Variants in LRRFIP1 observed in about 807,000 individuals in gnomAD.
The protein encoded by LRRFIP1 is LRR binding FLII interacting protein 1, also known as leucine-rich repeat flightless-interacting protein 1.
A neutral mutation model predicts 104.4 loss-of-function variants in LRRFIP1; 62 were observed. The observed-to-expected ratio is 0.59, with a 90% CI of 0.48 to 0.73. LRRFIP1 has a LOEUF of 0.73. Among genes scored for constraint, LRRFIP1 ranks in the 30% least tolerant of loss-of-function variants. The pLI is 0.00. For missense variants in LRRFIP1, 796 were observed against 824.5 expected (o/e 0.97, Z 0.42); for synonymous variants, 300 against 299.0 (o/e 1.00, Z -0.03).
rs752146212 is a variant in LRRFIP1 at position 237,661,674 on chromosome 2, C to T, written c.96+33934C>T. On this transcript the variant is annotated intron_variant, in intron 1 of 23. Coordinates refer to ENST00000308482, the MANE Select transcript of LRRFIP1 (RefSeq NM_001137550.2). This position sits in a 1 kb window ranked among gnomAD's most constrained non-coding sequence, Gnocchi z 4.4. ...CAGAGCCATGCACGTTCCGAAAGCA[C>T]ATTCCAGGGGGACAGTTGTGTCCCT... is the stretch of plus-strand genomic sequence containing the variant. Among the ~76,000 whole-genome samples, 1 of 152,232 alleles carries T rather than the reference C, an allele frequency of 6.6e-6. No individual in the cohort carries two copies. The highest frequency in any genetic ancestry group is 1.5e-5 in the Non-Finnish European group (1 of 68,036).
Position 237,717,920 on chromosome 2 carries a change from A to G in LRRFIP1, c.249+111A>G, listed in dbSNP as rs143961656. Reference sequence around the variant, plus strand: ...TTACGCAGTTTAACTATGTAGATAGATTCCTATTGCACCATAATTTAATAC... The same window carrying G: ...TTACGCAGTTTAACTATGTAGATAGGTTCCTATTGCACCATAATTTAATAC... On this transcript the variant is annotated intron_variant, in intron 4 of 23. Coordinates refer to ENST00000308482, the MANE Select transcript of LRRFIP1 (RefSeq NM_001137550.2). The surrounding 1 kb of genome is among the most constrained non-coding windows in gnomAD (Gnocchi z 4.2). 4 of 867,816 alleles carry G rather than the reference A, an allele frequency of 4.6e-6. No homozygotes were observed. The African/African-American group carries it at 6.6e-5, about 14-fold the overall frequency. The allele number at this position is 867,816 out of a possible 1,614,324, so 53.8% of individuals were successfully genotyped here. A position where few individuals can be genotyped will look rare whatever the true frequency, so the allele number is the denominator to read the frequency against.
intron 1 of LRRFIP1, among the ~76,000 whole-genome samples, chr2:237,671,923 T>C (rs2090413660): frequency 6.6e-6 from 1 of 150,510 alleles, no homozygotes; most frequent in African/African-American, 2.5e-5. Context: ...CTGCTGTAAC[T>C]AACCCGTCTG....
chr2:237,646,838 T>G (rs2084996010), intron 1 of LRRFIP1, among the ~76,000 whole-genome samples: 1 of 151,990 alleles, frequency 6.6e-6, no homozygotes, highest in Admixed American at 6.5e-5. Flanking sequence ...ATTTCTGTTG[T>G]TTAAGCCACC....
At chr2:237,693,115 G>A (rs1352639374) in intron 1 of LRRFIP1, among the ~76,000 whole-genome samples, 2 of 152,278 alleles carry the variant, frequency 1.3e-5, no homozygotes, top group Non-Finnish European at 2.9e-5. Context: ...TACGGCTGTA[G>A]TTTGGCATTA....
intron 10 of LRRFIP1, among the ~76,000 whole-genome samples, chr2:237,738,980 T>C (rs1452207552): frequency 1.3e-5 from 2 of 152,252 alleles, no homozygotes; most frequent in Non-Finnish European, 2.9e-5. Context: ...GGGTGCTTTG[T>C]GTTATTTTCT....
chr2:237,733,848 C>T, intron 9 of LRRFIP1, 30 bp downstream of exon 9: 2 of 1,612,342 alleles, frequency 1.2e-6, no homozygotes, highest in Non-Finnish European at 1.7e-6. Context: ...TGCTGCCCCG[C>T]ACCCCCTCCC....
At chr2:237,636,723 G>A (rs2083178299) in intron 1 of LRRFIP1, among the ~76,000 whole-genome samples, 1 of 152,120 alleles carries the variant, frequency 6.6e-6, no homozygotes, top group South Asian at 2.1e-4. Flanking sequence ...ACTACAATTT[G>A]AGCAAAGGCC....
At chr2:237,777,331 G>A (rs1318722402) in intron 23 of LRRFIP1, among the ~76,000 whole-genome samples, 1 of 152,098 alleles carries the variant, frequency 6.6e-6, no homozygotes, top group African/African-American at 2.4e-5. Context: ...TAGTGTCTCA[G>A]ACTGTACTAG....
At chr2:237,638,096 G>A (rs919897916) in intron 1 of LRRFIP1, among the ~76,000 whole-genome samples, 1 of 152,096 alleles carries the variant, frequency 6.6e-6, no homozygotes, top group African/African-American at 2.4e-5. Context: ...TACATTTATT[G>A]TGCACTTTGT....
chr2:237,727,911 G>T lies in LRRFIP1; in HGVS notation c.420G>T (p.Gln140His). 1 of 1,611,976 alleles carries T rather than the reference G, an allele frequency of 6.2e-7. No homozygotes were observed. The highest frequency in any genetic ancestry group is 8.5e-7 in the Non-Finnish European group (1 of 1,179,102). Residue 140 changes from glutamine to histidine, a missense_variant, in exon 8 of 24, where the codon CAG becomes CAT. Transcript: ENST00000308482. ...ATGATGGAGAATTGTATGGATCACA[G>T]TCCCTGAATAGAAGATCTGGCAGGG... is the stretch of plus-strand genomic sequence containing the variant. ...NGYDGELYGS[Q>H]SLNRRSGRPS...
intron 20 of LRRFIP1, 183 bp downstream of exon 20, chr2:237,770,175 A>G (rs2060499191): frequency 5.1e-6 from 3 of 592,706 alleles, no homozygotes; most frequent in East Asian, 5.7e-5. Flanking sequence ...TTTTCATCCA[A>G]AGAGAACATC....
At chr2:237,778,916 CA>C (rs35820087) in intron 23 of LRRFIP1, among the ~76,000 whole-genome samples, 29 of 137,610 alleles carry the variant, frequency 2.1e-4, no homozygotes, top group South Asian at 2.3e-4. Flanking sequence ...GACTTTGTCT[CA>C]AAAAAAAAAA....
At chr2:237,708,682 G>A in intron 2 of LRRFIP1, 52 bp downstream of exon 2, 1 of 1,548,272 alleles carries the variant, frequency 6.5e-7, no homozygotes, top group Non-Finnish European at 8.8e-7. Flanking sequence ...TGCGTGCTGG[G>A]CCCAGGGTGC....
chr2:237,777,625 T>A (rs2061199014), intron 23 of LRRFIP1, among the ~76,000 whole-genome samples: 1 of 152,192 alleles, frequency 6.6e-6, no homozygotes, highest in Non-Finnish European at 1.5e-5. Flanking sequence ...TCTTTCAGGT[T>A]CTGTTTGTCT....
chr2:237,712,774 A>T lies in LRRFIP1; in HGVS notation c.184-1485A>T, dbSNP rs148814334. On this transcript the variant is annotated intron_variant, in intron 2 of 23. Transcript: ENST00000308482. ...TCGGGCCATGCCTGGAGGATTTGGG[A>T]AGGTGCACTGACGACACCTCCCTCA... Among the ~76,000 whole-genome samples the T allele has an allele frequency of 3.9e-3, 595 of 152,160 alleles. 5 individuals carry two copies. Among genetic ancestry groups the T allele is most frequent in the African/African-American group, 0.014 (577 of 41,514 alleles).
chr2:237,752,588 G>A (rs1337918507), intron 14 of LRRFIP1, among the ~76,000 whole-genome samples: 1 of 144,642 alleles, frequency 6.9e-6, no homozygotes, highest in Non-Finnish European at 1.5e-5. Context: ...CTGCATGTAT[G>A]CGCCCTGAAG....
In LRRFIP1 at chr2:237,758,504, C is replaced by T. The variant is rs147307333; in HGVS notation, c.1225-225C>T. ...TGCTGTGTCCGTGTGCTTCAAGATGCGCATGTCTTTCATGGAGTATGAACA... is the reference window on the plus strand; with the variant it reads ...TGCTGTGTCCGTGTGCTTCAAGATGTGCATGTCTTTCATGGAGTATGAACA... On this transcript the variant is annotated intron_variant, in intron 17 of 23. Coordinates refer to ENST00000308482, the MANE Select transcript of LRRFIP1 (RefSeq NM_001137550.2). 1.9e-3 allele frequency among the ~76,000 whole-genome samples: 286 copies of T among 152,294 alleles called. 3 individuals are homozygous for T. Among genetic ancestry groups the T allele is most frequent in the East Asian group, 0.014 (72 of 5,184 alleles).
At chr2:237,762,605 A>G (rs1559824626) in intron 19 of LRRFIP1, 1 of 1,596,418 alleles carries the variant, frequency 6.3e-7, no homozygotes, top group Non-Finnish European at 8.6e-7. Flanking sequence ...TCTTTTAGGA[A>G]GAGCCAGTGA....
intron 15 of LRRFIP1, among the ~76,000 whole-genome samples, chr2:237,754,769 G>T (rs551463100): frequency 1.3e-5 from 2 of 152,246 alleles, no homozygotes; most frequent in Non-Finnish European, 2.9e-5. Context: ...ATGTGGGAAC[G>T]GAGGAGTGGA....
Sources: gnomAD v4.1 joint callset for allele counts (sites outside exome capture counted in the v4.1 genomes callset) on GRCh38, gnomAD v4.1.1 for gene constraint, Gnocchi (gnomAD v3.1) non-coding constraint, MANE v1.5 for transcripts, NCBI Gene and HGNC (gene_info 2026-07-23, HGNC 2026-07-21) for gene names.